The following CFAP36 variants were observed in gnomAD, a reference collection of about 807,000 sequenced individuals.
The protein encoded by CFAP36 is cilia- and flagella-associated protein 36.
CFAP36 carries 37 observed loss-of-function variants against 50.5 expected under a neutral mutation model. The observed-to-expected ratio is 0.73, with a 90% CI of 0.56 to 0.96. The LOEUF is 0.96. Among genes scored for constraint, CFAP36 ranks in the 50% least tolerant of loss-of-function variants. CFAP36 has a pLI of 0.00. For missense variants in CFAP36, 407 were observed against 396.2 expected (o/e 1.03, Z -0.23); for synonymous variants, 138 against 128.2 (o/e 1.08, Z -0.52).
intron 7 of CFAP36, among the ~76,000 whole-genome samples, chr2:55,537,876 G>A (rs915794874): frequency 6.6e-6 from 1 of 152,204 alleles, no homozygotes; most frequent in African/African-American, 2.4e-5. Flanking sequence ...GCTTACAAGA[G>A]AGGTTCACAT....
At chr2:55,531,451 C>T (rs1299979749) in intron 4 of CFAP36, among the ~76,000 whole-genome samples, 1 of 152,080 alleles carries the variant, frequency 6.6e-6, no homozygotes, top group African/African-American at 2.4e-5. Flanking sequence ...CAGAACACTC[C>T]AGTGAAGAAA....
Position 55,521,591 on chromosome 2 carries a change from A to ATGTG in CFAP36, c.116-510_116-509insGTGT, listed in dbSNP as rs1432644386. Among the ~76,000 whole-genome samples, 38 of 126,438 alleles carry ATGTG rather than the reference A, an allele frequency of 3.0e-4. 1 individual carries two copies. The highest frequency in any genetic ancestry group is 1.0e-3 in the African/African-American group (35 of 34,642). The allele number at this position is 126,438 out of a possible 152,430, so 82.9% of individuals were successfully genotyped here. On this transcript the variant is annotated intron_variant, in intron 1 of 9. Coordinates refer to ENST00000349456, the MANE Select transcript of CFAP36 (RefSeq NM_080667.7). The stretch of plus-strand genomic sequence containing the variant: ...AAAAAGCTTGTTTACAATTAATAGT[A>ATGTG]TATATGTGTGTGTGTGTGTGTGTGT...
intron 7 of CFAP36, among the ~76,000 whole-genome samples, chr2:55,540,428 T>A (rs978961850): frequency 2.6e-5 from 4 of 152,154 alleles, no homozygotes; most frequent in Non-Finnish European, 4.4e-5. Context: ...TGAGTTTATT[T>A]CTGGGCTCTC....
chr2:55,521,926 G>A (rs969373373), intron 1 of CFAP36, among the ~76,000 whole-genome samples, 176 bp from the exon 2 acceptor site: 3 of 151,912 alleles, frequency 2.0e-5, no homozygotes, highest in Admixed American at 1.3e-4. Flanking sequence ...CACAGTGCTC[G>A]GCCAATAGTA....
At chr2:55,520,178 G>C (rs186337747) in intron 1 of CFAP36, among the ~76,000 whole-genome samples, 97 of 152,272 alleles carry the variant, frequency 6.4e-4, no homozygotes, top group African/African-American at 1.9e-3. Context: ...CTCTGGGGCC[G>C]AAGCGCACGT....
At chr2:55,525,907 G>A (rs1409717907) in intron 3 of CFAP36, among the ~76,000 whole-genome samples, 2 of 152,206 alleles carry the variant, frequency 1.3e-5, no homozygotes, top group South Asian at 2.1e-4. Context: ...GATTACAGGC[G>A]TGAGCCACCA....
chr2:55,533,704 A>AT lies in CFAP36; in HGVS notation c.398-169_398-168insT, dbSNP rs1380133832. ...AAAGAGACTCTGTCTCAAAAAAAAA[A>AT]AAAAATATATATATATATAAAATAA... On this transcript the variant is annotated intron_variant, in intron 4 of 9. Transcript: ENST00000349456. Among the ~76,000 whole-genome samples, 467 of 114,908 alleles carry AT rather than the reference A, an allele frequency of 4.1e-3. 2 individuals are homozygous for AT. The highest frequency in any genetic ancestry group is 9.9e-3 in the Middle Eastern group (2 of 202). 75.4% of individuals were successfully genotyped at this position (114,908 alleles called of 152,430 possible). A position where few individuals can be genotyped will look rare whatever the true frequency, so the allele number is the denominator to read the frequency against.
chr2:55,544,985 A>C lies in CFAP36; in HGVS notation c.1006A>C (p.Lys336Gln). 5 of 1,591,622 alleles carry C rather than the reference A, an allele frequency of 3.1e-6. No homozygotes were observed. The highest frequency in any genetic ancestry group is 4.3e-6 in the Non-Finnish European group (5 of 1,165,944). ...LKRRLLAEKL[K>Q]EEVINK ...GAGGAGATTGCTTGCAGAGAAACTC[A>C]AAGAAGAAGTTATTAATAAGTAATA... Residue 336 changes from lysine (K) to glutamine (Q), a missense_variant, in exon 10 of 10, where the codon AAA becomes CAA. By Grantham distance (53) the Lys-to-Gln change is moderately conservative (BLOSUM62 1). Coordinates refer to ENST00000349456, the MANE Select transcript of CFAP36 (RefSeq NM_080667.7).
At chr2:55,521,595 A>G (rs13010102) in intron 1 of CFAP36, among the ~76,000 whole-genome samples, 32,981 of 146,114 alleles carry the variant, frequency 0.23, 3,754 homozygotes, top group East Asian at 0.34. Flanking sequence ...AATAGTATAT[A>G]TGTGTGTGTG....
intron 7 of CFAP36, among the ~76,000 whole-genome samples, chr2:55,539,830 C>G (rs1040775007): frequency 9.9e-5 from 15 of 152,168 alleles, no homozygotes; most frequent in Non-Finnish European, 2.1e-4. Flanking sequence ...GTAGTGGTAT[C>G]TCATTGTTGT....
rs750360118 is a variant in CFAP36 at position 55,533,890 on chromosome 2, T to C, written c.415T>C (p.Leu139=). 24 of 1,610,682 alleles carry C rather than the reference T, an allele frequency of 1.5e-5. No individual in the cohort carries two copies. The South Asian group carries it at 2.5e-4, about 17-fold the overall frequency. ...TTGAACAGGTGTATTACCTGACTGC[T>C]TAACCGATGGCTCTGATGTGGTCAG... ...QERNGVLPDC[L]TDGSDVVSDL... is the part of the protein sequence containing the mutation. Residue 139 remains leucine (L), a synonymous_variant, in exon 5 of 10, where the codon TTA becomes CTA. Transcript: ENST00000349456.
intron 2 of CFAP36, among the ~76,000 whole-genome samples, chr2:55,523,293 T>C (rs1052246460): frequency 3.8e-4 from 58 of 150,980 alleles, no homozygotes; most frequent in African/African-American, 9.7e-4. Flanking sequence ...CAGGCGCCTC[T>C]AGTCCCAGCT....
chr2:55,531,906 C>T (rs75205600), intron 4 of CFAP36, among the ~76,000 whole-genome samples: 13,446 of 152,216 alleles, frequency 0.088, 726 homozygotes, highest in Non-Finnish European at 0.12. Flanking sequence ...CTTCTATTAG[C>T]AAGGGAGGAG....
intron 3 of CFAP36, among the ~76,000 whole-genome samples, chr2:55,526,516 T>C (rs183696281): frequency 1.3e-5 from 2 of 152,286 alleles, no homozygotes; most frequent in Admixed American, 1.3e-4. Context: ...GTCATAGTTC[T>C]ATGCAACCTC....
chr2:55,540,477 A>C (rs1287755719), intron 7 of CFAP36, among the ~76,000 whole-genome samples: 1 of 152,146 alleles, frequency 6.6e-6, no homozygotes, highest in Non-Finnish European at 1.5e-5. Context: ...TTCTTTTGCA[A>C]ATACCACACT....
intron 7 of CFAP36, among the ~76,000 whole-genome samples, chr2:55,541,594 T>G (rs1292669960): frequency 1.3e-5 from 2 of 152,168 alleles, no homozygotes; most frequent in Non-Finnish European, 2.9e-5. Flanking sequence ...TTCATTTCAG[T>G]TTTTCTGTCA....
intron 7 of CFAP36, among the ~76,000 whole-genome samples, chr2:55,537,996 G>C (rs1398578240): frequency 6.6e-6 from 1 of 152,222 alleles, no homozygotes; most frequent in Non-Finnish European, 1.5e-5. Context: ...AGTACAGCTA[G>C]AAAATAAGAG....
Position 55,528,971 on chromosome 2 carries a change from C to A in CFAP36, c.376C>A (p.Arg126=). The A allele has an allele frequency of 1.2e-6, 2 of 1,605,532 alleles. No homozygotes were observed. Among genetic ancestry groups the A allele is most frequent in the Non-Finnish European group, 1.7e-6 (2 of 1,175,934 alleles). The change falls in exon 4 of 10, where the codon CGA becomes AGA. Residue 126 remains arginine (R), a synonymous_variant. Transcript: ENST00000349456. ...CATTGAAATGCAGCTGCAAGCCATT[C>A]GAATAATTCAAGAGAGAAATGGTAA... ...KNIEMQLQAI[R]IIQERNGVLP...
At chr2:55,534,084 A>G in intron 5 of CFAP36, 124 bp downstream of exon 5, 1 of 498,898 alleles carries the variant, frequency 2.0e-6, no homozygotes, top group Non-Finnish European at 3.5e-6. Flanking sequence ...AACCATCAAA[A>G]TGATCTATCA....
Sources: allele counts gnomAD v4.1 joint callset (sites outside exome capture counted in the v4.1 genomes callset), GRCh38; gene constraint gnomAD v4.1.1; transcripts MANE v1.5; gene names NCBI Gene and HGNC (gene_info 2026-07-23, HGNC 2026-07-21).